NPAS1: variants seen among roughly 807,000 people sequenced by gnomAD.
The protein encoded by NPAS1 is neuronal PAS domain protein 1, also known as neuronal PAS domain-containing protein 1.
Under a neutral mutation model 49.2 loss-of-function variants are expected in NPAS1, and 29 were observed. The ratio of observed to expected loss-of-function variants is 0.59; its 90% CI spans 0.44 to 0.80. NPAS1 has a LOEUF of 0.80. NPAS1 is among the 30% of genes least tolerant of loss of function. The pLI, the probability that NPAS1 is intolerant of heterozygous loss-of-function variation, is 0.00. For missense variants in NPAS1, 825 were observed against 835.5 expected, an observed-to-expected ratio of 0.99 and a Z score of 0.15; for synonymous variants, 408 against 380.4, an observed-to-expected ratio of 1.07 and a Z score of -0.84.
chr19:47,027,632 C>T (rs556241295), intron 3 of NPAS1, among the ~76,000 whole-genome samples: 804 of 64,628 alleles, frequency 0.012, 166 homozygotes, highest in Non-Finnish European at 0.016. Flanking sequence ...CTCTCTGCCC[C>T]TGGTCTCCCG....
Position 47,025,123 on chromosome 19 carries a change from C to T in NPAS1, c.358+3276C>T, listed in dbSNP as rs919128215. ...TACAGCCTTCTTTCTTCCCATAGCA[C>T]TTATTGTCATCTGACACTCTCTGTA... On this transcript the variant is annotated intron_variant, in intron 3 of 11. Transcript: ENST00000602212. 7.4e-5 allele frequency among the ~76,000 whole-genome samples: 10 copies of T among 135,152 alleles called. 1 individual carries two copies. Among genetic ancestry groups the T allele is most frequent in the African/African-American group, 2.5e-4 (10 of 40,592 alleles). 88.7% of individuals were successfully genotyped at this position (135,152 alleles called of 152,430 possible).
At chr19:47,032,822 T>C (rs1462142988) in intron 5 of NPAS1, 90 bp downstream of exon 5, 3 of 937,842 alleles carry the variant, frequency 3.2e-6, no homozygotes, top group East Asian at 2.5e-5. Context: ...GGTCTCACCA[T>C]AGCAGCAAGA....
chr19:47,022,108 A>C (rs2056846111), intron 3 of NPAS1, among the ~76,000 whole-genome samples: 1 of 152,196 alleles, frequency 6.6e-6, no homozygotes, highest in South Asian at 2.1e-4. Context: ...GGTAAATGCT[A>C]TTCCTATATT....
At chr19:47,038,515 CAAAAAAA>C (rs397859991) in intron 6 of NPAS1, among the ~76,000 whole-genome samples, 1 of 60,318 alleles carries the variant, frequency 1.7e-5, no homozygotes, top group Non-Finnish European at 4.0e-5. Context: ...GACTCCAGCT[CAAAAAAA>C]AAAAAAAAAA....
chr19:47,023,336 G>A (rs1341379177), intron 3 of NPAS1, among the ~76,000 whole-genome samples: 2 of 152,200 alleles, frequency 1.3e-5, no homozygotes, highest in Non-Finnish European at 2.9e-5. Flanking sequence ...GAGCATTCCG[G>A]GGCTCAGAGG....
intron 6 of NPAS1, among the ~76,000 whole-genome samples, chr19:47,037,338 CAAAAAAAAAAAAAAAA>C (rs869125845): frequency 7.7e-4 from 40 of 51,814 alleles, no homozygotes; most frequent in Non-Finnish European, 1.0e-3. Context: ...ACTCCGTCTC[CAAAAAAAAAAAAAAAA>C]AAAAAAAAAA....
intron 3 of NPAS1, among the ~76,000 whole-genome samples, 174 bp downstream of exon 3, chr19:47,022,021 G>C (rs2122424560): frequency 6.6e-6 from 1 of 152,356 alleles, no homozygotes; most frequent in Non-Finnish European, 1.5e-5. Context: ...TTATTAAACT[G>C]TCAAATGGGC....
chr19:47,044,262 A>T (rs983122698), intron 11 of NPAS1, among the ~76,000 whole-genome samples: 2 of 152,130 alleles, frequency 1.3e-5, no homozygotes, highest in Admixed American at 6.5e-5. Flanking sequence ...TAGTAGAGAC[A>T]GTGTTTTGCC....
At chr19:47,041,242 A>C in intron 10 of NPAS1, 117 bp downstream of exon 10, 1 of 1,003,176 alleles carries the variant, frequency 1.0e-6, no homozygotes, top group Non-Finnish European at 1.4e-6. Context: ...GGGGGTCTGC[A>C]GACACGAAGG....
chr19:47,045,491 C>T lies in NPAS1; in HGVS notation c.1613C>T (p.Thr538Ile). 6.4e-7 allele frequency: 1 copy of T among 1,561,064 alleles called. No individual in the cohort carries two copies. The highest frequency in any genetic ancestry group is 8.6e-7 in the Non-Finnish European group (1 of 1,157,962). The change falls in exon 12 of 12, where the codon ACA (threonine) becomes ATA (isoleucine). Residue 538 changes from threonine to isoleucine, a missense_variant. Physicochemically the swap from Thr to Ile is moderately conservative, Grantham distance 89 (BLOSUM62 -1). Transcript: ENST00000602212. ...FLPPVVRGLC[T>I]PGTIRYGPAE... ...CCGCCGGTGGTGCGGGGCCTGTGCACACCCGGCACCATCCGCTACGGCCCC... is the reference window on the plus strand; with the variant it reads ...CCGCCGGTGGTGCGGGGCCTGTGCATACCCGGCACCATCCGCTACGGCCCC...
intron 3 of NPAS1, among the ~76,000 whole-genome samples, chr19:47,030,713 G>C (rs926326057): frequency 7.3e-6 from 1 of 137,796 alleles, no homozygotes; most frequent in African/African-American, 2.8e-5. Context: ...CAATGCAATG[G>C]CCCTAACTCA....
chr19:47,025,519 C>G (rs929208634), intron 3 of NPAS1, among the ~76,000 whole-genome samples: 2 of 151,774 alleles, frequency 1.3e-5, no homozygotes. Flanking sequence ...CTCAGGTGAT[C>G]CGCCTGCCGC....
intron 11 of NPAS1, among the ~76,000 whole-genome samples, chr19:47,044,866 C>T (rs1222712672): frequency 6.6e-6 from 1 of 151,976 alleles, no homozygotes; most frequent in Admixed American, 6.6e-5. Flanking sequence ...CCCATCTCTA[C>T]TTAAAATAGA....
chr19:47,020,924 C>T (rs2056835219), intron 1 of NPAS1, 82 bp from the exon 2 acceptor site: 1 of 557,686 alleles, frequency 1.8e-6, no homozygotes, highest in Non-Finnish European at 2.8e-6. Flanking sequence ...TTGCTGGGAC[C>T]CTGAGCCCTG....
At chr19:47,022,098 G>A (rs942144441) in intron 3 of NPAS1, among the ~76,000 whole-genome samples, 5 of 152,186 alleles carry the variant, frequency 3.3e-5, no homozygotes, top group African/African-American at 9.7e-5. Context: ...AGTGGTCACT[G>A]GTAAATGCTA....
In NPAS1 at chr19:47,019,849, G is replaced by A. The variant is rs1418700481; in HGVS notation, c.-191G>A. 1.9e-5 allele frequency: 6 copies of A among 307,808 alleles called. No individual in the cohort carries two copies. In the East Asian group the frequency reaches 2.2e-4, roughly 11 times the overall value. The allele number at this position is 307,808 out of a possible 1,614,324, so 19.1% of individuals were successfully genotyped here. On this transcript the variant is annotated 5_prime_UTR_variant, in exon 1 of 12. Coordinates refer to ENST00000602212, the MANE Select transcript of NPAS1 (RefSeq NM_002517.4). ...CCAAGTCTGCGAGGCCGAGGTGGGCGCCGAGAGCTGGGCGCCACAGCCCGC... is the reference window on the plus strand; with the variant it reads ...CCAAGTCTGCGAGGCCGAGGTGGGCACCGAGAGCTGGGCGCCACAGCCCGC...
intron 10 of NPAS1, among the ~76,000 whole-genome samples, chr19:47,041,979 C>CAAAAAA (rs369320245): frequency 1.0e-5 from 1 of 96,132 alleles, no homozygotes; most frequent in Non-Finnish European, 1.9e-5. Context: ...GACCCTGTCT[C>CAAAAAA]AAAAAAAAAA....
intron 3 of NPAS1, among the ~76,000 whole-genome samples, chr19:47,024,059 C>G (rs2056857815): frequency 6.6e-6 from 1 of 150,754 alleles, no homozygotes; most frequent in Non-Finnish European, 1.5e-5. Flanking sequence ...GAGCCGAGAT[C>G]ACACCACTGC....
Position 47,045,376 on chromosome 19 carries a change from G to A in NPAS1, c.1498G>A (p.Ala500Thr), listed in dbSNP as rs1395005068. 1 of 1,613,402 alleles carries A rather than the reference G, an allele frequency of 6.2e-7. No homozygotes were observed. ...PRPEFTSVIR[A>T]GVLKQDPVRP... ...GCCCGAGTTCACCTCTGTCATCCGG[G>A]CAGGGGTCCTGAAGCAGGATCCGGT... is the stretch of plus-strand genomic sequence containing the variant. The change falls in exon 12 of 12, where the codon GCA becomes ACA. Residue 500 changes from alanine (A) to threonine (T), a missense_variant. Ala to Thr is a moderately conservative substitution (Grantham distance 58). Coordinates refer to ENST00000602212, the MANE Select transcript of NPAS1 (RefSeq NM_002517.4).
Sources: gnomAD v4.1 joint callset for allele counts (sites outside exome capture counted in the v4.1 genomes callset) on GRCh38, gnomAD v4.1.1 for gene constraint, MANE v1.5 for transcripts, NCBI Gene and HGNC (gene_info 2026-07-23, HGNC 2026-07-21) for gene names.